SGIP1: variants seen among roughly 807,000 people sequenced by gnomAD.
SGIP1 encodes SH3GL interacting endocytic adaptor 1, also known as SH3-containing GRB2-like protein 3-interacting protein 1.
A neutral mutation model predicts 107.5 loss-of-function variants in SGIP1; 38 were observed. The ratio of observed to expected loss-of-function variants is 0.35; its 90% CI spans 0.27 to 0.46. SGIP1 has a LOEUF of 0.46. Ranked by LOEUF, SGIP1 falls within the 20% of genes least tolerant of loss-of-function variation. The pLI, the probability that SGIP1 is intolerant of heterozygous loss-of-function variation, is 1.00. For synonymous variants in SGIP1, 365 were observed against 366.1 expected, an observed-to-expected ratio of 1.00 and a Z score of 0.03; for missense variants, 929 against 1,019.5, an observed-to-expected ratio of 0.91 and a Z score of 1.21.
intron 18 of SGIP1, among the ~76,000 whole-genome samples, chr1:66,713,215 C>T (rs1010485286): frequency 6.6e-6 from 1 of 152,124 alleles, no homozygotes; most frequent in Non-Finnish European, 1.5e-5. Flanking sequence ...AAGAATGCTA[C>T]TTACCTTATA....
chr1:66,643,603 A>G lies in SGIP1; in HGVS notation c.343A>G (p.Lys115Glu). ...SESEEEEESH[K>E]KFNIKIKPLQ... The stretch of plus-strand genomic sequence containing the variant: ...ATCGGAAGAAGAAGAAGAATCACAT[A>G]AGAAATTTAATATCAAGATTAAACC... Residue 115 changes from lysine to glutamate, a missense_variant, in exon 7 of 25, where the codon AAG (lysine) becomes GAG (glutamate). This residue lies in a region of SGIP1 where 588 missense variants were observed against 588.6 expected (regional missense o/e 1.00). Coordinates refer to ENST00000371037, the MANE Select transcript of SGIP1 (RefSeq NM_032291.4). 1 of 1,611,006 alleles carries G rather than the reference A, an allele frequency of 6.2e-7. No individual in the cohort carries two copies. Among genetic ancestry groups the G allele is most frequent in the Middle Eastern group, 1.7e-4 (1 of 6,038 alleles).
At chr1:66,689,384 C>G (rs1466631847) in intron 16 of SGIP1, 109 bp downstream of exon 16, 13 of 1,368,898 alleles carry the variant, frequency 9.5e-6, no homozygotes, top group Non-Finnish European at 1.3e-5. Context: ...ACAACCCTGA[C>G]AGGTGGCATC....
intron 1 of SGIP1, among the ~76,000 whole-genome samples, chr1:66,534,886 C>A (rs1042445110): frequency 5.9e-5 from 9 of 152,100 alleles, no homozygotes; most frequent in Non-Finnish European, 1.3e-4. Context: ...GGGAGGGCAG[C>A]AAATTTGGTC....
intron 10 of SGIP1, 26 bp from the exon 11 acceptor site, chr1:66,671,918 A>G (rs574185662): frequency 1.2e-6 from 2 of 1,612,950 alleles, no homozygotes; most frequent in African/African-American, 2.7e-5. Flanking sequence ...AATTTGTCTA[A>G]AAAGTTCCTT....
chr1:66,536,620 A>T (rs1299933625), intron 1 of SGIP1, among the ~76,000 whole-genome samples: 2 of 152,168 alleles, frequency 1.3e-5, no homozygotes, highest in African/African-American at 2.4e-5. Flanking sequence ...GCCTCTGTAC[A>T]TCTACCACAA....
chr1:66,653,132 C>CT, intron 7 of SGIP1, among the ~76,000 whole-genome samples: 1 of 152,294 alleles, frequency 6.6e-6, no homozygotes, highest in Middle Eastern at 3.4e-3. Flanking sequence ...AGAGTTAACA[C>CT]ATGAGACGCA....
intron 1 of SGIP1, among the ~76,000 whole-genome samples, chr1:66,580,912 A>G (rs769482271): frequency 3.3e-5 from 5 of 152,128 alleles, no homozygotes; most frequent in Non-Finnish European, 7.4e-5. Context: ...GAGCTGTTGT[A>G]ACTAACAACC....
intron 1 of SGIP1, among the ~76,000 whole-genome samples, chr1:66,599,603 T>C (rs1446200286): frequency 6.6e-6 from 1 of 152,226 alleles, no homozygotes; most frequent in African/African-American, 2.4e-5. Context: ...AAGATAGACT[T>C]CCATGCTACA....
At position 66,716,759 on chromosome 1, in the gene SGIP1, G is replaced by A. The variant is rs200657234; in HGVS notation, c.1631-2535G>A. ...TGCTCTGAAAAGTATTCTTAGATTT[G>A]TATTAGATTATCAAAAAGGAATTAT... is the stretch of plus-strand genomic sequence containing the variant. On this transcript the variant is annotated intron_variant, in intron 18 of 24. Coordinates refer to ENST00000371037, the MANE Select transcript of SGIP1 (RefSeq NM_032291.4). 5.9e-5 allele frequency among the ~76,000 whole-genome samples: 9 copies of A among 152,090 alleles called. No individual in the cohort carries two copies. In the East Asian group the frequency reaches 1.7e-3, roughly 29 times the overall value.
intron 1 of SGIP1, among the ~76,000 whole-genome samples, chr1:66,600,210 T>C (rs2065508600): frequency 6.6e-6 from 1 of 152,220 alleles, no homozygotes; most frequent in African/African-American, 2.4e-5. Context: ...TTTAATTTTT[T>C]AAAGAAAATT....
At chr1:66,643,474 A>C (rs967916593) in intron 6 of SGIP1, 70 bp from the exon 7 acceptor site, 4 of 1,316,924 alleles carry the variant, frequency 3.0e-6, no homozygotes, top group Middle Eastern at 2.6e-4. Flanking sequence ...CTCTATATGC[A>C]ATTGCTCTTG....
chr1:66,604,353 C>A (rs1394846320), intron 1 of SGIP1, among the ~76,000 whole-genome samples: 3 of 152,144 alleles, frequency 2.0e-5, no homozygotes, highest in African/African-American at 7.2e-5. Context: ...AATGAAAAAG[C>A]ATTTCCATCA....
intron 4 of SGIP1, among the ~76,000 whole-genome samples, chr1:66,638,255 A>G (rs984130566): frequency 1.3e-5 from 2 of 152,202 alleles, no homozygotes; most frequent in African/African-American, 2.4e-5. Context: ...GTCTATTCCC[A>G]AGTGAGAGAA....
chr1:66,742,733 T>A (rs2094497894), intron 24 of SGIP1, among the ~76,000 whole-genome samples: 1 of 149,260 alleles, frequency 6.7e-6, no homozygotes, highest in South Asian at 2.1e-4. Context: ...CCTCCCAAAG[T>A]GCTGGGATTA....
chr1:66,544,047 G>A (rs1168564909), intron 1 of SGIP1, among the ~76,000 whole-genome samples: 1 of 152,130 alleles, frequency 6.6e-6, no homozygotes, highest in Admixed American at 6.5e-5. Context: ...TTAGCCTTTG[G>A]AGGCTAGACA....
At chr1:66,619,109 C>T (rs945732561) in intron 1 of SGIP1, among the ~76,000 whole-genome samples, 3 of 152,142 alleles carry the variant, frequency 2.0e-5, no homozygotes, top group Non-Finnish European at 4.4e-5. Flanking sequence ...TCTTAAAGCT[C>T]CTCTTCTTCT....
At chr1:66,710,935 G>T (rs1486775484) in intron 18 of SGIP1, among the ~76,000 whole-genome samples, 3 of 152,100 alleles carry the variant, frequency 2.0e-5, no homozygotes. Context: ...AATTAATTCT[G>T]CAATAATGGC....
intron 1 of SGIP1, among the ~76,000 whole-genome samples, chr1:66,558,908 TG>T (rs2058556061): frequency 6.6e-6 from 1 of 152,028 alleles, no homozygotes; most frequent in African/African-American, 2.4e-5. Context: ...AGTTGTGATT[TG>T]GTTTCAAAGA....
intron 13 of SGIP1, 65 bp downstream of exon 13, chr1:66,677,161 G>T: frequency 7.9e-7 from 1 of 1,269,468 alleles, no homozygotes; most frequent in African/African-American, 1.5e-5. Flanking sequence ...TCTGCATAGT[G>T]AAATTAGGCA....
Sources: gnomAD v4.1 joint callset for allele counts (sites outside exome capture counted in the v4.1 genomes callset) on GRCh38, gnomAD v4.1.1 for gene constraint, gnomAD v4.1.1 regional missense constraint, MANE v1.5 for transcripts, NCBI Gene and HGNC (gene_info 2026-07-23, HGNC 2026-07-21) for gene names.